Variants in SMG6 observed in about 807,000 individuals in gnomAD.
The protein encoded by SMG6 is SMG6 nonsense mediated mRNA decay factor, also known as telomerase-binding protein EST1A.
Under a neutral mutation model 142.2 loss-of-function variants are expected in SMG6, and 66 were observed. That is an observed-to-expected ratio of 0.46 (90% CI 0.38 to 0.57). SMG6 has a LOEUF of 0.57. SMG6 is among the 20% of genes least tolerant of loss of function. SMG6 has a pLI of 0.00. For missense variants in SMG6, 1,793 were observed against 1,832.0 expected (o/e 0.98, Z 0.39); for synonymous variants, 779 against 702.4 (o/e 1.11, Z -1.72).
chr17:2,129,793 C>CAT (rs2070043506), intron 13 of SMG6, among the ~76,000 whole-genome samples: 1 of 56,320 alleles, frequency 1.8e-5, no homozygotes, highest in Admixed American at 2.9e-4. Flanking sequence ...GGCTCTGTCT[C>CAT]AAAAAAAAAA....
chr17:2,289,137 C>G (rs1234905828), intron 6 of SMG6, among the ~76,000 whole-genome samples: 3 of 150,026 alleles, frequency 2.0e-5, no homozygotes, highest in Non-Finnish European at 4.4e-5. Context: ...GTAGTTGCAT[C>G]TATTTGGGGG....
At chr17:2,162,739 T>C (rs142752353) in intron 13 of SMG6, among the ~76,000 whole-genome samples, 1 of 152,308 alleles carries the variant, frequency 6.6e-6, no homozygotes, top group Non-Finnish European at 1.5e-5. Context: ...TCCTTCTAGG[T>C]TGGAACATAT....
intron 8 of SMG6, among the ~76,000 whole-genome samples, chr17:2,275,511 T>C (rs776614541): frequency 3.9e-5 from 6 of 152,190 alleles, no homozygotes; most frequent in Non-Finnish European, 7.3e-5. Context: ...CAGACAGACA[T>C]GTATTACATT....
chr17:2,198,613 C>T (rs1355843188), intron 10 of SMG6, among the ~76,000 whole-genome samples: 1 of 152,058 alleles, frequency 6.6e-6, no homozygotes, highest in Non-Finnish European at 1.5e-5. Context: ...GTGCATAAGA[C>T]CTCTCTGTAC....
intron 13 of SMG6, among the ~76,000 whole-genome samples, chr17:2,137,998 C>T (rs1176363039): frequency 3.3e-5 from 5 of 151,934 alleles, no homozygotes; most frequent in Admixed American, 6.6e-5. Flanking sequence ...AGTAGTATCA[C>T]GGAGCTCACA....
rs771039970 is a variant in SMG6, at chr17:2,299,393, G to A, written c.1360C>T (p.Arg454Ter). Reference sequence around the variant, plus strand: ...TCAGGATTGTTTGGGTCCCACAATCGGCGTGTGGTGCCTCCACGGCCCCAA... The same window carrying A: ...TCAGGATTGTTTGGGTCCCACAATCAGCGTGTGGTGCCTCCACGGCCCCAA... ...RSWGRGGTTR[R>*]LWDPNNPDQK... The change falls in exon 2 of 19, where the codon CGA becomes TGA. Residue 454 changes from arginine (R) to a stop codon, truncating the protein, a stop_gained. Transcript: ENST00000263073. LOFTEE classifies it high-confidence loss of function. The surrounding 1 kb of genome is among the most constrained non-coding windows in gnomAD (Gnocchi z 4.3). The A allele has an allele frequency of 3.1e-6, 5 of 1,613,792 alleles. No homozygotes were observed. The highest frequency in any genetic ancestry group is 1.3e-5 in the African/African-American group (1 of 74,994).
chr17:2,156,099 T>C (rs575638039), intron 13 of SMG6, among the ~76,000 whole-genome samples: 28 of 148,504 alleles, frequency 1.9e-4, no homozygotes, highest in South Asian at 4.3e-4. Context: ...TCAGATTAGA[T>C]AGAGCTCAGG....
intron 1 of SMG6, among the ~76,000 whole-genome samples, chr17:2,300,890 T>C (rs2075265638): frequency 6.6e-6 from 1 of 152,204 alleles, no homozygotes; most frequent in South Asian, 2.1e-4. Flanking sequence ...CCTAACTGTG[T>C]TGGGGCTACC....
chr17:2,096,500 C>A (rs906996103), intron 13 of SMG6, among the ~76,000 whole-genome samples: 2 of 152,110 alleles, frequency 1.3e-5, no homozygotes, highest in African/African-American at 4.8e-5. Context: ...TGAGCCACTG[C>A]GCCTGGCTAA....
chr17:2,177,223 T>A (rs2071677164), intron 12 of SMG6, among the ~76,000 whole-genome samples: 1 of 152,106 alleles, frequency 6.6e-6, no homozygotes, highest in South Asian at 2.1e-4. Flanking sequence ...ACAGGAGAGG[T>A]TACCCAACTG....
intron 10 of SMG6, among the ~76,000 whole-genome samples, chr17:2,223,922 CAA>C (rs1213065138): frequency 6.7e-6 from 1 of 148,268 alleles, no homozygotes; most frequent in Non-Finnish European, 1.5e-5. Context: ...ACAGGCAGAG[CAA>C]AAAAAAAGAA....
chr17:2,171,558 T>TTTGTTTGC (rs79336918), intron 13 of SMG6, among the ~76,000 whole-genome samples: 1 of 151,678 alleles, frequency 6.6e-6, no homozygotes, highest in African/African-American at 2.4e-5. Context: ...TGTTTGCTTG[T>TTTGTTTGC]AGAGACAGGT....
intron 13 of SMG6, among the ~76,000 whole-genome samples, chr17:2,095,957 T>C (rs2068845022): frequency 6.7e-6 from 1 of 150,246 alleles, no homozygotes; most frequent in South Asian, 2.1e-4. Flanking sequence ...CTGCTTCCCC[T>C]GGCACCTCTG....
intron 8 of SMG6, among the ~76,000 whole-genome samples, chr17:2,269,609 C>A (rs1292958690): frequency 6.6e-6 from 1 of 152,068 alleles, no homozygotes; most frequent in Non-Finnish European, 1.5e-5. Context: ...TGATTAAATG[C>A]AAAAAGAAAA....
intron 13 of SMG6, among the ~76,000 whole-genome samples, chr17:2,166,598 C>T (rs1037288495): frequency 1.3e-5 from 2 of 152,130 alleles, no homozygotes; most frequent in Non-Finnish European, 2.9e-5. Context: ...GCTGGAACTA[C>T]AGGTGTAATA....
intron 13 of SMG6, chr17:2,101,461 G>A (rs1484550895): frequency 2.6e-5 from 4 of 152,158 alleles, no homozygotes; most frequent in Admixed American, 2.6e-4. Context: ...CTTTGATGCA[G>A]TTACTACATC....
At chr17:2,252,723 G>A (rs951886329) in intron 8 of SMG6, among the ~76,000 whole-genome samples, 1 of 152,104 alleles carries the variant, frequency 6.6e-6, no homozygotes, top group Non-Finnish European at 1.5e-5. Context: ...TACAGAATCA[G>A]AATCCTCAAG....
At chr17:2,220,327 G>A (rs770815847) in intron 10 of SMG6, among the ~76,000 whole-genome samples, 3 of 152,154 alleles carry the variant, frequency 2.0e-5, no homozygotes, top group Non-Finnish European at 4.4e-5. Flanking sequence ...ATGATTAAAT[G>A]AAAGTTAACA....
chr17:2,098,645 T>G (rs1489623861), intron 13 of SMG6, among the ~76,000 whole-genome samples: 2 of 152,238 alleles, frequency 1.3e-5, no homozygotes, highest in Non-Finnish European at 2.9e-5. Flanking sequence ...GTTGTTGTTG[T>G]TGTTGAGACA....
Sources: gnomAD v4.1 joint callset for allele counts (sites outside exome capture counted in the v4.1 genomes callset) on GRCh38, gnomAD v4.1.1 for gene constraint, Gnocchi (gnomAD v3.1) non-coding constraint, MANE v1.5 for transcripts, NCBI Gene and HGNC (gene_info 2026-07-23, HGNC 2026-07-21) for gene names.